KIR3DL3: variants seen among roughly 807,000 people sequenced by gnomAD.
KIR3DL3 encodes the protein killer cell immunoglobulin like receptor, three Ig domains and long cytoplasmic tail 3.
In KIR3DL3, 27 loss-of-function variants were observed where a neutral mutation model predicts 34.9. The observed-to-expected ratio is 0.77, with a 90% CI of 0.57 to 1.07. The LOEUF (loss-of-function observed/expected upper bound fraction) is 1.07, where lower values mean the gene tolerates loss of function less well. Among genes scored for constraint, KIR3DL3 ranks in the 50% least tolerant of loss-of-function variants. KIR3DL3 has a pLI of 0.00. For missense variants in KIR3DL3, 681 were observed against 528.5 expected (o/e 1.29, Z -2.83); for synonymous variants, 217 against 200.2 (o/e 1.08, Z -0.71).
chr19:54,729,781 T>C lies in KIR3DL3; in HGVS notation c.944T>C (p.Val315Ala). The change falls in exon 5 of 8, where the codon GTC becomes GCC. Residue 315 changes from valine to alanine, a missense_variant. By Grantham distance (64) the Val-to-Ala change is moderately conservative (BLOSUM62 0). Coordinates refer to ENST00000291860, the MANE Select transcript of KIR3DL3 (RefSeq NM_153443.5). ...CCGAGTGACCCACTGCCCGTTTCTG[T>C]CACAGGTGAGAAAACACCATGCCTG... ...SDPSDPLPVS[V>A]TGNSRNLHVL... 6.3e-7 allele frequency: 1 copy of C among 1,595,948 alleles called. No homozygotes were observed. The highest frequency in any genetic ancestry group is 8.5e-7 in the Non-Finnish European group (1 of 1,173,214).
rs1409825151 is a variant in KIR3DL3 at position 54,726,092 on chromosome 19, C to T, written c.110C>T (p.Thr37Ile). 3.1e-6 allele frequency: 5 copies of T among 1,613,234 alleles called. No individual in the cohort carries two copies. The highest frequency in any genetic ancestry group is 4.2e-6 in the Non-Finnish European group (5 of 1,179,670). Residue 37 changes from threonine to isoleucine, a missense_variant, in exon 3 of 8, where the codon ACT (threonine) becomes ATT (isoleucine). Physicochemically the swap from Thr to Ile is moderately conservative, Grantham distance 89. Transcript: ENST00000291860. ...DKPFLSAWPG[T>I]VVSEGQHVTL... ...CCCTTCCTCTCTGCCTGGCCCGGCACTGTGGTGTCTGAAGGACAACATGTG... is the reference window on the plus strand; with the variant it reads ...CCCTTCCTCTCTGCCTGGCCCGGCATTGTGGTGTCTGAAGGACAACATGTG...
At chr19:54,732,036 G>A (rs1250898735) in intron 5 of KIR3DL3, among the ~76,000 whole-genome samples, 2 of 152,074 alleles carry the variant, frequency 1.3e-5, no homozygotes, top group African/African-American at 4.8e-5. Context: ...AGCTATGGAG[G>A]CTAAGACAGG....
rs1409903699 is a variant in KIR3DL3, at chr19:54,736,447, C to T, written c.*351C>T. On this transcript the variant is annotated 3_prime_UTR_variant, in exon 8 of 8. Transcript: ENST00000291860. ...TTACTTCCTAGTCTACTTGAGGCTG[C>T]GATCACACTGAGGAACTCACAATTC... 18 of 404,942 alleles carry T rather than the reference C, an allele frequency of 4.4e-5. 2 individuals carry two copies. Among genetic ancestry groups the T allele is most frequent in the South Asian group, 1.9e-4 (6 of 31,542 alleles). The allele number at this position is 404,942 out of a possible 1,614,324, so 25.1% of individuals were successfully genotyped here. A position where few individuals can be genotyped will look rare whatever the true frequency, so the allele number is the denominator to read the frequency against.
chr19:54,728,388 A>G (rs2146788129), intron 4 of KIR3DL3, among the ~76,000 whole-genome samples: 1 of 147,928 alleles, frequency 6.8e-6, no homozygotes, highest in South Asian at 2.2e-4. Flanking sequence ...CGTGCAGTGG[A>G]GCTGTCATCG....
intron 5 of KIR3DL3, 57 bp downstream of exon 5, chr19:54,729,843 G>A (rs1330110796): frequency 7.3e-6 from 11 of 1,511,986 alleles, no homozygotes; most frequent in South Asian, 3.7e-5. Context: ...TAGCTGAGGA[G>A]CTTCCTGCTG....
In KIR3DL3 at chr19:54,736,185, G is replaced by A; in HGVS notation, c.*89G>A. The stretch of plus-strand genomic sequence containing the variant: ...AGGCCTTGATGGGATCTTCTAGGGA[G>A]ACAATAGCCCTGTCTCAAAACCGGG... On this transcript the variant is annotated 3_prime_UTR_variant, in exon 8 of 8. Coordinates refer to ENST00000291860, the MANE Select transcript of KIR3DL3 (RefSeq NM_153443.5). 6.4e-7 allele frequency: 1 copy of A among 1,566,774 alleles called. No individual in the cohort carries two copies. Among genetic ancestry groups the A allele is most frequent in the East Asian group, 2.2e-5 (1 of 44,678 alleles).
Position 54,727,758 on chromosome 19 carries a change from T to C in KIR3DL3, c.503T>C (p.Val168Ala), listed in dbSNP as rs2146779698. Reference protein sequence around the residue: ...EGITEDPLRLVGQLHDAGSQV... With the variant: ...EGITEDPLRLAGQLHDAGSQV... ...ATCACTGAGGACCCCTTGCGCCTCG[T>C]TGGACAGCTCCACGATGCGGGTTCC... Residue 168 changes from valine to alanine, a missense_variant, in exon 4 of 8, where the codon GTT becomes GCT. Transcript: ENST00000291860. 10 of 1,613,140 alleles carry C rather than the reference T, an allele frequency of 6.2e-6. No homozygotes were observed. The South Asian group carries it at 9.9e-5, about 16-fold the overall frequency.
At chr19:54,724,689 A>G in intron 1 of KIR3DL3, among the ~76,000 whole-genome samples, 159 bp downstream of exon 1, 1 of 135,888 alleles carries the variant, frequency 7.4e-6, no homozygotes, top group Non-Finnish European at 1.6e-5. Context: ...TGGAGTGGAG[A>G]TATGGGCCTG....
At chr19:54,732,504 G>A (rs1208172952) in intron 5 of KIR3DL3, among the ~76,000 whole-genome samples, 2 of 152,026 alleles carry the variant, frequency 1.3e-5, no homozygotes, top group Admixed American at 6.6e-5. Context: ...TGATCCCACC[G>A]CCTTAGCGTC....
chr19:54,729,508 C>G lies in KIR3DL3; in HGVS notation c.671C>G (p.Pro224Arg). The G allele has an allele frequency of 6.2e-7, 1 of 1,604,668 alleles. No individual in the cohort carries two copies. The change falls in exon 5 of 8, where the codon CCT becomes CGT. Residue 224 changes from proline to arginine, a missense_variant. Coordinates refer to ENST00000291860, the MANE Select transcript of KIR3DL3 (RefSeq NM_153443.5). ...CTTCTTCCAGGTCTATATGGGAAAC[C>G]TTCTCTCTCAGCCCAGCCGGGCCCC... ...DIVVVGLYGKPSLSAQPGPTV... is the reference protein window; with the variant it reads ...DIVVVGLYGKRSLSAQPGPTV...
chr19:54,724,489 G>C lies in KIR3DL3; in HGVS notation c.-8G>C. The C allele has an allele frequency of 6.2e-7, 1 of 1,613,146 alleles. No individual in the cohort carries two copies. The highest frequency in any genetic ancestry group is 8.5e-7 in the Non-Finnish European group (1 of 1,180,008). The stretch of plus-strand genomic sequence containing the variant: ...GGGGCGCAGCCGCCTGTCTGCACCG[G>C]CAGCACCATGTCGCTCATGGTCGTC... On this transcript the variant is annotated 5_prime_UTR_variant, in exon 1 of 8. Transcript: ENST00000291860.
chr19:54,731,448 T>C (rs1448409823), intron 5 of KIR3DL3, among the ~76,000 whole-genome samples: 5 of 151,658 alleles, frequency 3.3e-5, no homozygotes, highest in African/African-American at 4.8e-5. Context: ...ATTTAGCTTA[T>C]TTATGCACAC....
rs374399247 is a variant in KIR3DL3, at chr19:54,726,301, T to C, written c.319T>C (p.Ser107Pro). 1,230 of 1,613,734 alleles carry C rather than the reference T, an allele frequency of 7.6e-4. 4 individuals are homozygous for C. In the African/African-American group the frequency reaches 0.014, roughly 18 times the overall value. ...ACACCCACACTCCCCCACTGGGTGG[T>C]CGGCACCCAGCAACCCTGTGGTGAT... The part of the protein sequence containing the change: ...SSHPHSPTGW[S>P]APSNPVVIMV... The change falls in exon 3 of 8, where the codon TCG (serine) becomes CCG (proline). Residue 107 changes from serine (S) to proline (P), a missense_variant. Coordinates refer to ENST00000291860, the MANE Select transcript of KIR3DL3 (RefSeq NM_153443.5).
intron 5 of KIR3DL3, among the ~76,000 whole-genome samples, chr19:54,731,867 C>A (rs2068831118): frequency 1.3e-5 from 2 of 152,102 alleles, no homozygotes; most frequent in Non-Finnish European, 2.9e-5. Context: ...TCTTCCTCAT[C>A]TTTTAAGGAC....
intron 2 of KIR3DL3, 48 bp downstream of exon 2, chr19:54,725,330 G>A: frequency 6.9e-7 from 1 of 1,439,664 alleles, no homozygotes; most frequent in South Asian, 1.5e-5. Flanking sequence ...CACATAAGAT[G>A]ATGCTCCTGA....
Position 54,729,586 on chromosome 19 carries a change from T to C in KIR3DL3, c.749T>C (p.Phe250Ser), listed in dbSNP as rs1301719772. ...VTLSCSSRSL[F>S]DIYHLSREAE... ...TTGTCCTGCAGCTCCCGGAGCTTGT[T>C]TGACATTTACCATCTATCCAGGGAG... The change falls in exon 5 of 8, where the codon TTT (phenylalanine) becomes TCT (serine). Residue 250 changes from phenylalanine (F) to serine (S), a missense_variant. Coordinates refer to ENST00000291860, the MANE Select transcript of KIR3DL3 (RefSeq NM_153443.5). 1.2e-6 allele frequency: 2 copies of C among 1,605,310 alleles called. No individual in the cohort carries two copies. Among genetic ancestry groups the C allele is most frequent in the Non-Finnish European group, 1.7e-6 (2 of 1,177,278 alleles).
chr19:54,732,188 G>T (rs1241925212), intron 5 of KIR3DL3, among the ~76,000 whole-genome samples: 5 of 151,986 alleles, frequency 3.3e-5, no homozygotes, highest in African/African-American at 1.2e-4. Flanking sequence ...ACCAATAAAT[G>T]AATGATCCAT....
intron 3 of KIR3DL3, among the ~76,000 whole-genome samples, chr19:54,727,011 A>G (rs369657207): frequency 0.011 from 1,392 of 132,242 alleles, 63 homozygotes; most frequent in African/African-American, 0.037. Context: ...AAGAAACCAA[A>G]CAAGGAGAAG....
chr19:54,732,423 T>C (rs2068915996), intron 5 of KIR3DL3, among the ~76,000 whole-genome samples: 1 of 51,260 alleles, frequency 2.0e-5, no homozygotes, highest in Admixed American at 2.2e-4. Context: ...GCTAATTTTT[T>C]TGGTATATTT....
Sources: allele counts gnomAD v4.1 joint callset (sites outside exome capture counted in the v4.1 genomes callset), GRCh38; gene constraint gnomAD v4.1.1; transcripts MANE v1.5; gene names NCBI Gene and HGNC (gene_info 2026-07-23, HGNC 2026-07-21).